The following MACROD2 variants were observed in gnomAD, a reference collection of about 807,000 sequenced individuals.
MACROD2 encodes the protein mono-ADP ribosylhydrolase 2, also known as ADP-ribose glycohydrolase MACROD2.
MACROD2 carries 36 observed loss-of-function variants against 70.4 expected under a neutral mutation model. The observed-to-expected ratio is 0.51, with a 90% CI of 0.39 to 0.68. The LOEUF is 0.68. Among genes scored for constraint, MACROD2 ranks in the 30% least tolerant of loss-of-function variants. The probability of loss-of-function intolerance (pLI) is 0.00; values close to 1 mark genes in which losing one functional copy is unlikely to be tolerated. For missense variants in MACROD2, 496 were observed against 538.4 expected (o/e 0.92, Z 0.78); for synonymous variants, 172 against 178.8 (o/e 0.96, Z 0.30).
chr20:14,716,069 T>C (rs1219347140), intron 5 of MACROD2, among the ~76,000 whole-genome samples: 1 of 152,188 alleles, frequency 6.6e-6, no homozygotes, highest in African/African-American at 2.4e-5. Context: ...ATTATAATTC[T>C]TTCTGAAAGA....
At chr20:15,046,101 G>T (rs932914956) in intron 5 of MACROD2, among the ~76,000 whole-genome samples, 2 of 151,694 alleles carry the variant, frequency 1.3e-5, no homozygotes, top group East Asian at 3.9e-4. Flanking sequence ...CATCTTCTTC[G>T]CCTTTTTCTC....
intron 12 of MACROD2, among the ~76,000 whole-genome samples, chr20:15,966,132 A>C (rs952836731): frequency 1.3e-5 from 2 of 152,210 alleles, no homozygotes. Flanking sequence ...AAATGAATGG[A>C]GAGAAACAGA....
intron 6 of MACROD2, among the ~76,000 whole-genome samples, chr20:15,301,667 A>G (rs2077645512): frequency 7.1e-6 from 1 of 140,944 alleles, no homozygotes; most frequent in Non-Finnish European, 1.5e-5. Context: ...TCTGGCCTCA[A>G]GCAATCCTCC....
chr20:14,230,447 C>A (rs1201155404), intron 3 of MACROD2, among the ~76,000 whole-genome samples: 1 of 151,438 alleles, frequency 6.6e-6, no homozygotes, highest in Non-Finnish European at 1.5e-5. Flanking sequence ...AGAAGTAACT[C>A]CTCATCTGTT....
chr20:14,691,762 T>G (rs537352206), intron 5 of MACROD2, among the ~76,000 whole-genome samples: 1 of 152,260 alleles, frequency 6.6e-6, no homozygotes, highest in East Asian at 1.9e-4. Context: ...GGAGTATGAC[T>G]CTGCCAGCCT....
intron 5 of MACROD2, among the ~76,000 whole-genome samples, chr20:15,146,548 G>GT (rs1172536525): frequency 1.3e-5 from 2 of 152,108 alleles, no homozygotes; most frequent in African/African-American, 4.8e-5. Flanking sequence ...AGAGCAGGGC[G>GT]TAGTAGAGCA....
At chr20:14,154,389 CT>C (rs1183052263) in intron 3 of MACROD2, among the ~76,000 whole-genome samples, 112 of 136,390 alleles carry the variant, frequency 8.2e-4, no homozygotes, top group Non-Finnish European at 8.3e-4. Context: ...CTTTTCTTTT[CT>C]TTTTTTTTTT....
chr20:15,359,187 C>T (rs748582032), intron 6 of MACROD2, among the ~76,000 whole-genome samples: 1 of 152,100 alleles, frequency 6.6e-6, no homozygotes, highest in Non-Finnish European at 1.5e-5. Flanking sequence ...AGAGTCTACA[C>T]AAAGAAGAAA....
chr20:14,751,449 T>C (rs1478421276), intron 5 of MACROD2, among the ~76,000 whole-genome samples: 1 of 152,178 alleles, frequency 6.6e-6, no homozygotes, highest in African/African-American at 2.4e-5. Flanking sequence ...ATAGCAAAAC[T>C]GATCTGTACC....
chr20:14,573,678 T>C (rs1430506237), intron 4 of MACROD2, among the ~76,000 whole-genome samples: 1 of 152,194 alleles, frequency 6.6e-6, no homozygotes, highest in Non-Finnish European at 1.5e-5. Flanking sequence ...TACTTAGTGC[T>C]ATACTGCCAT....
intron 8 of MACROD2, among the ~76,000 whole-genome samples, chr20:15,519,712 A>C (rs1317936927): frequency 6.6e-6 from 1 of 152,232 alleles, no homozygotes; most frequent in Non-Finnish European, 1.5e-5. Context: ...AAGTGACCTC[A>C]GTTTAGAAAG....
At chr20:14,409,262 T>G (rs907207940) in intron 3 of MACROD2, among the ~76,000 whole-genome samples, 5 of 151,608 alleles carry the variant, frequency 3.3e-5, no homozygotes, top group African/African-American at 1.2e-4. Flanking sequence ...TGGAAGCTTG[T>G]CTAATTTGCT....
chr20:15,505,674 C>A (rs1264988515), intron 8 of MACROD2, among the ~76,000 whole-genome samples: 2 of 152,126 alleles, frequency 1.3e-5, no homozygotes, highest in Non-Finnish European at 2.9e-5. Context: ...TTGCTCTGGG[C>A]TGGGGACAAT....
Position 15,479,374 on chromosome 20 carries a change from G to A in MACROD2, c.572-20400G>A, listed in dbSNP as rs1011839207. 1.2e-3 allele frequency among the ~76,000 whole-genome samples: 176 copies of A among 142,034 alleles called. 1 individual carries two copies. Among genetic ancestry groups the A allele is most frequent in the African/African-American group, 4.3e-3 (164 of 37,716 alleles). The allele number at this position is 142,034 out of a possible 152,430, so 93.2% of individuals were successfully genotyped here. A position where few individuals can be genotyped will look rare whatever the true frequency, so the allele number is the denominator to read the frequency against. On this transcript the variant is annotated intron_variant, in intron 7 of 17. Coordinates refer to ENST00000684519, the MANE Select transcript of MACROD2 (RefSeq NM_001351661.2). ...TGCAAGCTCCGCCTCCCGGGTTCAC[G>A]CCATTCTCCTGCCTCAGCCTCCCAA...
intron 13 of MACROD2, among the ~76,000 whole-genome samples, chr20:15,982,605 C>T (rs1302952867): frequency 6.6e-6 from 1 of 151,962 alleles, no homozygotes. Flanking sequence ...GGAGGTTGGG[C>T]CTACTAGAGT....
At chr20:15,962,933 G>A (rs1183137920) in intron 12 of MACROD2, among the ~76,000 whole-genome samples, 1 of 152,190 alleles carries the variant, frequency 6.6e-6, no homozygotes, top group Non-Finnish European at 1.5e-5. Context: ...GTCTGGGAAT[G>A]TGTTGCAGGA....
chr20:15,734,152 G>A (rs1448305580), intron 8 of MACROD2, among the ~76,000 whole-genome samples: 1 of 152,202 alleles, frequency 6.6e-6, no homozygotes, highest in African/African-American at 2.4e-5. Flanking sequence ...GAGAAAGTAG[G>A]ATACGGATGT....
At chr20:14,790,716 T>C (rs6042923) in intron 5 of MACROD2, among the ~76,000 whole-genome samples, 1,562 of 152,258 alleles carry the variant, frequency 0.01, 31 homozygotes, top group African/African-American at 0.035. Flanking sequence ...AAGCAGCCCC[T>C]GTTCACTAAT....
Position 14,981,021 on chromosome 20 carries a change from A to AGTGTGTGTGTGTGTGT in MACROD2, c.419-248903_419-248888dup, listed in dbSNP as rs11468972. Among the ~76,000 whole-genome samples, 638 of 143,728 alleles carry AGTGTGTGTGTGTGTGT rather than the reference A, an allele frequency of 4.4e-3. 5 individuals carry two copies. Among genetic ancestry groups the AGTGTGTGTGTGTGTGT allele is most frequent in the African/African-American group, 0.015 (610 of 39,406 alleles). The allele number at this position is 143,728 out of a possible 152,430, so 94.3% of individuals were successfully genotyped here. On this transcript the variant is annotated intron_variant, in intron 5 of 17. Transcript: ENST00000684519. ...GCCAGAAGGATCCTTTACAAAAAGAAGTGTGTGTGTGTGTGTGTGTGTGTG... is the reference window on the plus strand; with the variant it reads ...GCCAGAAGGATCCTTTACAAAAAGAAGTGTGTGTGTGTGTGTGTGTGTGTGTGTGTGTGTGTGTGTG...
Sources: gnomAD v4.1 joint callset for allele counts (sites outside exome capture counted in the v4.1 genomes callset) on GRCh38, gnomAD v4.1.1 for gene constraint, MANE v1.5 for transcripts, NCBI Gene and HGNC (gene_info 2026-07-23, HGNC 2026-07-21) for gene names.